HERC5: variants seen among roughly 807,000 people sequenced by gnomAD.
The protein encoded by HERC5 is HECT and RLD domain containing E3 ubiquitin protein ligase 5.
In HERC5, 99 loss-of-function variants were observed where a neutral mutation model predicts 119.6. That is an observed-to-expected ratio of 0.83 (90% CI 0.70 to 0.98). The LOEUF (loss-of-function observed/expected upper bound fraction) is 0.98. HERC5 is among the 50% of genes least tolerant of loss of function. The pLI is 0.00. For synonymous variants in HERC5, 478 were observed against 445.9 expected, an observed-to-expected ratio of 1.07 and a Z score of -0.91; for missense variants, 1,267 against 1,241.3, an observed-to-expected ratio of 1.02 and a Z score of -0.31.
chr4:88,493,730 G>T (rs890928297), intron 17 of HERC5, among the ~76,000 whole-genome samples: 4 of 151,776 alleles, frequency 2.6e-5, no homozygotes, highest in African/African-American at 9.7e-5. Flanking sequence ...CCTCAGCCTG[G>T]CGGGATTACA....
chr4:88,470,908 A>T (rs1740849119), intron 10 of HERC5, among the ~76,000 whole-genome samples: 1 of 152,000 alleles, frequency 6.6e-6, no homozygotes, highest in Non-Finnish European at 1.5e-5. Context: ...TACGTATATG[A>T]TTATATTTTT....
chr4:88,462,041 G>A (rs1254175918), intron 3 of HERC5, 94 bp from the exon 4 acceptor site: 1 of 1,001,532 alleles, frequency 1.0e-6, no homozygotes, highest in South Asian at 1.5e-5. Flanking sequence ...ACAATATTGT[G>A]ATATTATACT....
At chr4:88,474,286 C>G (rs1740977093) in intron 11 of HERC5, among the ~76,000 whole-genome samples, 1 of 152,186 alleles carries the variant, frequency 6.6e-6, no homozygotes, top group African/African-American at 2.4e-5. Context: ...GAATGGTTAG[C>G]TCTTTTTACT....
intron 13 of HERC5, among the ~76,000 whole-genome samples, chr4:88,482,418 C>T (rs537193082): frequency 6.6e-6 from 1 of 152,258 alleles, no homozygotes; most frequent in South Asian, 2.1e-4. Flanking sequence ...GAAGGGGTGT[C>T]ACATGCCCGT....
Position 88,470,618 on chromosome 4 carries a change from A to T in HERC5, c.1243A>T (p.Ile415Phe), listed in dbSNP as rs1740836011. 1 of 1,507,050 alleles carries T rather than the reference A, an allele frequency of 6.6e-7. No individual in the cohort carries two copies. The highest frequency in any genetic ancestry group is 9.2e-7 in the Non-Finnish European group (1 of 1,088,380). The allele number at this position is 1,507,050 out of a possible 1,614,324, so 93.4% of individuals were successfully genotyped here. ...TKRWQSTKRE[I>F]QEIFSSPACL... ...AGTGTCTTATTACTAATATAGGGAA[A>T]TCCAAGAGATATTTTCATCTCCTGC... The change falls in exon 10 of 23, where the codon ATC becomes TTC. Residue 415 changes from isoleucine to phenylalanine, a missense_variant. Coordinates refer to ENST00000264350, the MANE Select transcript of HERC5 (RefSeq NM_016323.4).
intron 12 of HERC5, 27 bp from the exon 13 acceptor site, chr4:88,479,322 TTAAA>T: frequency 6.5e-7 from 1 of 1,541,162 alleles, no homozygotes; most frequent in Non-Finnish European, 8.7e-7. Context: ...AACTCATTTT[TTAAA>T]AAATTTGCTT....
At chr4:88,502,210 T>A (rs1225957854) in intron 20 of HERC5, among the ~76,000 whole-genome samples, 1 of 152,240 alleles carries the variant, frequency 6.6e-6, no homozygotes, top group Non-Finnish European at 1.5e-5. Flanking sequence ...GCATTTCTGT[T>A]GGTATGTAAC....
intron 1 of HERC5, among the ~76,000 whole-genome samples, chr4:88,458,357 G>T (rs924782848): frequency 2.0e-5 from 3 of 151,330 alleles, no homozygotes; most frequent in African/African-American, 7.3e-5. Context: ...CACACTCCCA[G>T]TGTTTTAAAA....
chr4:88,464,124 G>C, intron 6 of HERC5, 139 bp downstream of exon 6: 2 of 513,610 alleles, frequency 3.9e-6, no homozygotes, highest in African/African-American at 2.1e-5. Flanking sequence ...ATATTATTTA[G>C]ATAAATGTAA....
intron 18 of HERC5, among the ~76,000 whole-genome samples, chr4:88,495,485 A>T (rs977386463): frequency 3.3e-5 from 5 of 152,326 alleles, no homozygotes; most frequent in Non-Finnish European, 7.4e-5. Context: ...GATTGAGCTC[A>T]GGAGGTCGAA....
chr4:88,489,384 A>AG, intron 16 of HERC5, 48 bp downstream of exon 16: 1 of 1,510,522 alleles, frequency 6.6e-7, no homozygotes, highest in South Asian at 1.3e-5. Flanking sequence ...GAAAAGAAAA[A>AG]CATAAAAGAA....
rs889080912 is a variant in HERC5, at chr4:88,457,568, C to T, written c.265+34C>T. 2.4e-6 allele frequency: 3 copies of T among 1,241,824 alleles called. No homozygotes were observed. The East Asian group carries it at 9.3e-5, about 38-fold the overall frequency. The allele number at this position is 1,241,824 out of a possible 1,614,324, so 76.9% of individuals were successfully genotyped here. ...GGCTGGTGTGTGAGGGCTGTGAGGG[C>T]TGTGAGGGGTGAGGGCTGAGGGCTG... is the stretch of plus-strand genomic sequence containing the variant. On this transcript the variant is annotated intron_variant, in intron 1 of 22. Coordinates refer to ENST00000264350, the MANE Select transcript of HERC5 (RefSeq NM_016323.4).
At position 88,504,310 on chromosome 4, in the gene HERC5, A is replaced by G. The variant is rs765484104; in HGVS notation, c.2661A>G (p.Gly887=). The change falls in exon 21 of 23, where the codon GGA becomes GGG. Residue 887 remains glycine, a synonymous_variant. Transcript: ENST00000264350. ...CGGTTTATGAAGAATTTCGGAGAGG[A>G]TTTTATAAAATGTGCGACGAAGACA... ...VKAVYEEFRR[G]FYKMCDEDII... is the part of the protein sequence containing the mutation. The G allele has an allele frequency of 1.2e-6, 2 of 1,613,172 alleles. No homozygotes were observed. The highest frequency in any genetic ancestry group is 2.2e-5 in the South Asian group (2 of 91,016).
intron 1 of HERC5, chr4:88,457,850 T>G: frequency 6.3e-6 from 6 of 952,352 alleles, no homozygotes; most frequent in South Asian, 5.2e-5. Context: ...TTCAAGTTTG[T>G]ACCCCCGTCC....
intron 13 of HERC5, among the ~76,000 whole-genome samples, chr4:88,479,740 T>C (rs1553923051): frequency 3.9e-5 from 6 of 151,970 alleles, no homozygotes; most frequent in Non-Finnish European, 1.5e-5. Context: ...CCACCCATGT[T>C]AAAAAAATAA....
intron 10 of HERC5, among the ~76,000 whole-genome samples, chr4:88,471,361 C>G (rs1172421703): frequency 6.6e-6 from 1 of 150,612 alleles, no homozygotes; most frequent in African/African-American, 2.4e-5. Flanking sequence ...TTTTTTGAGA[C>G]AAGGTCTCAC....
At chr4:88,482,719 G>C (rs893600084) in intron 13 of HERC5, among the ~76,000 whole-genome samples, 9 of 152,172 alleles carry the variant, frequency 5.9e-5, no homozygotes, top group African/African-American at 1.9e-4. Flanking sequence ...CTGGAGGAGA[G>C]CCACTGCAAG....
intron 3 of HERC5, among the ~76,000 whole-genome samples, chr4:88,460,484 C>T (rs534621865): frequency 6.6e-6 from 1 of 152,336 alleles, no homozygotes; most frequent in East Asian, 1.9e-4. Context: ...CCACCCTTTT[C>T]CAGAAACTGC....
In HERC5 at chr4:88,500,916, T is replaced by G; in HGVS notation, c.2513T>G (p.Val838Gly). Residue 838 changes from valine (V) to glycine (G), a missense_variant and splice_region_variant, in exon 20 of 23, where the codon GTG becomes GGG. Physicochemically the swap from Val to Gly is moderately radical, Grantham distance 109 (BLOSUM62 -3). Around this residue, in one of 3 missense-constraint regions of HERC5, gnomAD observed 473 missense variants for 445.7 expected, o/e 1.06. Transcript: ENST00000264350. The part of the protein sequence containing the change: ...FEEVFYIHFN[V>G]HWDRNDTNLI... ...ATCTGAGTTCATTTGCGGTTACAGG[T>G]GCACTGGGACAGAAACGACACAAAC... 6.2e-7 allele frequency: 1 copy of G among 1,610,492 alleles called. No individual in the cohort carries two copies. The highest frequency in any genetic ancestry group is 8.5e-7 in the Non-Finnish European group (1 of 1,178,200).
Sources: allele counts gnomAD v4.1 joint callset (sites outside exome capture counted in the v4.1 genomes callset), GRCh38; gene constraint gnomAD v4.1.1; regional missense constraint gnomAD v4.1.1; transcripts MANE v1.5; gene names NCBI Gene and HGNC (gene_info 2026-07-23, HGNC 2026-07-21).